Variants in PALS2 observed in about 807,000 individuals in gnomAD.
PALS2 encodes protein PALS2.
In PALS2, 27 loss-of-function variants were observed where a neutral mutation model predicts 61.6. The ratio of observed to expected loss-of-function variants is 0.44; its 90% CI spans 0.32 to 0.60. The LOEUF (loss-of-function observed/expected upper bound fraction) is 0.60, where lower values mean the gene tolerates loss of function less well. Among genes scored for constraint, PALS2 ranks in the 20% least tolerant of loss-of-function variants. The probability of loss-of-function intolerance (pLI) is 0.05; values close to 1 mark genes in which losing one functional copy is unlikely to be tolerated. For missense variants in PALS2, 554 were observed against 639.4 expected (o/e 0.87, Z 1.44); for synonymous variants, 236 against 218.6 (o/e 1.08, Z -0.70).
rs1274329385 is a variant in PALS2, at chr7:24,691,405, G to GTGTGTGTGTGTGTATATATATATA, written c.*3792_*3793insGTGTGTGTGTGTATATATATATAT. 9.0e-6 allele frequency: 1 copy of GTGTGTGTGTGTGTATATATATATA among 110,598 alleles called. No homozygotes were observed. Among genetic ancestry groups the GTGTGTGTGTGTGTATATATATATA allele is most frequent in the African/African-American group, 3.1e-5 (1 of 32,382 alleles). The allele number at this position is 110,598 out of a possible 1,614,324, so 6.9% of individuals were successfully genotyped here. On this transcript the variant is annotated 3_prime_UTR_variant, in exon 12 of 12. Coordinates refer to ENST00000222644, the MANE Select transcript of PALS2 (RefSeq NM_001303037.2). ...ATATTATGTATGTGTGTGTGTGTGT[G>GTGTGTGTGTGTGTATATATATATA]TATATATATATATATATATATATAT... is the stretch of plus-strand genomic sequence containing the variant.
Position 24,573,716 on chromosome 7 carries a change from C to G in PALS2, c.-3+123C>G, listed in dbSNP as rs1308514096. Reference sequence around the variant, plus strand: ...GGACCCTGGCCCGCCCCGCCCCCCTCGGCACCTGGGCTTCGGCGGGCGCGG... The same window carrying G: ...GGACCCTGGCCCGCCCCGCCCCCCTGGGCACCTGGGCTTCGGCGGGCGCGG... On this transcript the variant is annotated intron_variant, in intron 1 of 11. Transcript: ENST00000222644. This position sits in a 1 kb window ranked among gnomAD's most constrained non-coding sequence, Gnocchi z 5.3. 2.6e-5 allele frequency: 4 copies of G among 153,624 alleles called. No homozygotes were observed. The highest frequency in any genetic ancestry group is 9.8e-5 in the African/African-American group (4 of 40,710). The allele number at this position is 153,624 out of a possible 1,614,324, so 9.5% of individuals were successfully genotyped here.
chr7:24,667,453 C>T (rs565939001), intron 8 of PALS2, among the ~76,000 whole-genome samples: 2 of 152,192 alleles, frequency 1.3e-5, no homozygotes, highest in South Asian at 4.1e-4. Context: ...TGGAAGGTCA[C>T]TTGTTCTGTG....
chr7:24,605,245 T>C (rs1783856047), intron 1 of PALS2, among the ~76,000 whole-genome samples: 1 of 152,182 alleles, frequency 6.6e-6, no homozygotes, highest in Non-Finnish European at 1.5e-5. Context: ...GCAATATTGT[T>C]TCTAATGATG....
intron 5 of PALS2, among the ~76,000 whole-genome samples, chr7:24,660,698 T>G (rs1447460596): frequency 6.6e-6 from 1 of 151,904 alleles, no homozygotes; most frequent in Non-Finnish European, 1.5e-5. Flanking sequence ...ATAAGTCATT[T>G]TGGATGTATC....
At position 24,646,791 on chromosome 7, in the gene PALS2, T is replaced by C. The variant is rs1461201335; in HGVS notation, c.271-2821T>C. Among the ~76,000 whole-genome samples, 3 of 152,206 alleles carry C rather than the reference T, an allele frequency of 2.0e-5. No individual in the cohort carries two copies. The East Asian group carries it at 5.8e-4, about 29-fold the overall frequency. On this transcript the variant is annotated intron_variant, in intron 3 of 11. Coordinates refer to ENST00000222644, the MANE Select transcript of PALS2 (RefSeq NM_001303037.2). Reference sequence around the variant, plus strand: ...GAATCCATCAGGTCCCAGGCTTTTTTTGGTTGATAAACTATTTATTACTGA... The same window carrying C: ...GAATCCATCAGGTCCCAGGCTTTTTCTGGTTGATAAACTATTTATTACTGA...
Position 24,648,289 on chromosome 7 carries a change from C to CTTTTTT in PALS2, c.271-1308_271-1303dup, listed in dbSNP as rs1265008724. ...ATGCACAGTTGCAGTAAAAATTATT[C>CTTTTTT]TTTTTTTTTTTTTTTTTTTTGAGAC... On this transcript the variant is annotated intron_variant, in intron 3 of 11. Transcript: ENST00000222644. 3.4e-5 allele frequency among the ~76,000 whole-genome samples: 4 copies of CTTTTTT among 118,742 alleles called. No homozygotes were observed. In the East Asian group the frequency reaches 7.5e-4, roughly 22 times the overall value. 77.9% of individuals were successfully genotyped at this position (118,742 alleles called of 152,430 possible).
Position 24,693,965 on chromosome 7 carries a change from C to T in PALS2, c.*6351C>T, listed in dbSNP as rs567927423. The stretch of plus-strand genomic sequence containing the variant: ...ACACAAGACGCATGCTTTTTTAAAC[C>T]TCTAGTTTTTGAAGTAACTGTAGAA... On this transcript the variant is annotated 3_prime_UTR_variant, in exon 12 of 12. Transcript: ENST00000222644. 2 of 151,636 alleles carry T rather than the reference C, an allele frequency of 1.3e-5. No individual in the cohort carries two copies. The highest frequency in any genetic ancestry group is 3.9e-4 in the East Asian group (2 of 5,170). 9.4% of individuals were successfully genotyped at this position (151,636 alleles called of 1,614,324 possible). A position where few individuals can be genotyped will look rare whatever the true frequency, so the allele number is the denominator to read the frequency against.
intron 1 of PALS2, among the ~76,000 whole-genome samples, chr7:24,616,197 G>C (rs1784287863): frequency 6.6e-6 from 1 of 152,058 alleles, no homozygotes; most frequent in Admixed American, 6.5e-5. Flanking sequence ...ATTCCAGCAA[G>C]AGTGACAGAA....
intron 2 of PALS2, among the ~76,000 whole-genome samples, chr7:24,628,140 C>G (rs1784831507): frequency 6.6e-6 from 1 of 152,194 alleles, no homozygotes; most frequent in African/African-American, 2.4e-5. Context: ...CAAACCGAAT[C>G]CAGCAGCACA....
intron 5 of PALS2, among the ~76,000 whole-genome samples, chr7:24,660,888 A>G (rs1431925787): frequency 1.3e-5 from 2 of 152,226 alleles, no homozygotes; most frequent in African/African-American, 4.8e-5. Context: ...GTTATAAAAT[A>G]CAAGGATTTC....
intron 9 of PALS2, among the ~76,000 whole-genome samples, chr7:24,675,242 G>T (rs1787502792): frequency 6.6e-6 from 1 of 151,922 alleles, no homozygotes. Context: ...CCCCTATATG[G>T]TTTCACTGTA....
chr7:24,654,993 T>C (rs996602003), intron 5 of PALS2, among the ~76,000 whole-genome samples: 5 of 152,230 alleles, frequency 3.3e-5, no homozygotes, highest in African/African-American at 9.7e-5. Flanking sequence ...TGTGTTTCAC[T>C]CTACACAGAA....
At chr7:24,644,095 C>CTTTTTTTTT (rs59645237) in intron 3 of PALS2, among the ~76,000 whole-genome samples, 1 of 134,258 alleles carries the variant, frequency 7.4e-6, no homozygotes, top group Non-Finnish European at 1.6e-5. Context: ...TTTCTTTTTT[C>CTTTTTTTTT]TTTTTTTTTT....
chr7:24,679,146 C>T lies in PALS2; in HGVS notation c.1130C>T (p.Pro377Leu). 3 of 1,613,652 alleles carry T rather than the reference C, an allele frequency of 1.9e-6. No homozygotes were observed. Among genetic ancestry groups the T allele is most frequent in the Non-Finnish European group, 2.5e-6 (3 of 1,179,706 alleles). The change falls in exon 10 of 12, where the codon CCA becomes CTA. Residue 377 changes from proline to leucine, a missense_variant. By Grantham distance (98) the Pro-to-Leu change is moderately conservative. Transcript: ENST00000222644. ...TTTTATTTAGTTACTTCACGGAAAC[C>T]AAGGGAAGATGAAAAAGATGGCCAG... The part of the protein sequence containing the change: ...GTTVPFTSRK[P>L]REDEKDGQAY...
chr7:24,661,411 A>G (rs534958899), intron 5 of PALS2, among the ~76,000 whole-genome samples: 1 of 152,260 alleles, frequency 6.6e-6, no homozygotes, highest in South Asian at 2.1e-4. Flanking sequence ...TGGCATTTCC[A>G]TAACAATTTG....
chr7:24,686,088 C>T (rs1213200644), intron 11 of PALS2, among the ~76,000 whole-genome samples: 5 of 152,182 alleles, frequency 3.3e-5, no homozygotes, highest in Non-Finnish European at 7.3e-5. Flanking sequence ...TCTGTATCTC[C>T]CACAGCCACC....
rs534731643 is a variant in PALS2, at chr7:24,654,742, C to A, written c.651+4030C>A. ...CATGGAATTTGATAAGATGAATAGC[C>A]AAGACACTTTTGAATCAGAAAAGCA... On this transcript the variant is annotated intron_variant, in intron 5 of 11. Transcript: ENST00000222644. Among the ~76,000 whole-genome samples, 15 of 152,100 alleles carry A rather than the reference C, an allele frequency of 9.9e-5. No homozygotes were observed. In the South Asian group the frequency reaches 1.7e-3, roughly 17 times the overall value.
intron 2 of PALS2, among the ~76,000 whole-genome samples, chr7:24,634,331 T>C (rs898760950): frequency 3.3e-5 from 5 of 152,248 alleles, no homozygotes; most frequent in African/African-American, 1.2e-4. Flanking sequence ...TCTGGGTTCA[T>C]GCCATTCTCC....
At position 24,693,757 on chromosome 7, in the gene PALS2, A is replaced by G. The variant is rs544145349; in HGVS notation, c.*6143A>G. ...ACACTGATTTTTTTTTAAAGAAGTG[A>G]TATGTTGGACTCTGTTGTAGAAGAA... is the stretch of plus-strand genomic sequence containing the variant. On this transcript the variant is annotated 3_prime_UTR_variant, in exon 12 of 12. Coordinates refer to ENST00000222644, the MANE Select transcript of PALS2 (RefSeq NM_001303037.2). 6.6e-6 allele frequency: 1 copy of G among 152,126 alleles called. No homozygotes were observed. Among genetic ancestry groups the G allele is most frequent in the South Asian group, 2.1e-4 (1 of 4,812 alleles). 9.4% of individuals were successfully genotyped at this position (152,126 alleles called of 1,614,324 possible). A position where few individuals can be genotyped will look rare whatever the true frequency, so the allele number is the denominator to read the frequency against.
Sources: allele counts gnomAD v4.1 joint callset (sites outside exome capture counted in the v4.1 genomes callset), GRCh38; gene constraint gnomAD v4.1.1; non-coding constraint Gnocchi (gnomAD v3.1); transcripts MANE v1.5; gene names NCBI Gene and HGNC (gene_info 2026-07-23, HGNC 2026-07-21).